RYR2: variants seen among roughly 807,000 people sequenced by gnomAD.
RYR2 encodes the protein ryanodine receptor 2, also known as cardiac muscle ryanodine receptor-calcium release channel.
Under a neutral mutation model 601.1 loss-of-function variants are expected in RYR2, and 227 were observed. The observed-to-expected ratio is 0.38, with a 90% CI of 0.34 to 0.42. The LOEUF (loss-of-function observed/expected upper bound fraction) is 0.42, where lower values mean the gene tolerates loss of function less well. Among genes scored for constraint, RYR2 ranks in the 10% least tolerant of loss-of-function variants. RYR2 has a pLI of 1.00. For missense variants in RYR2, 4,646 were observed against 6,156.5 expected, an observed-to-expected ratio of 0.75 and a Z score of 8.21; for synonymous variants, 2,223 against 2,175.1, an observed-to-expected ratio of 1.02 and a Z score of -0.61.
At chr1:237,473,477 C>CTTTCTTTCTTCTTCTTTCT (rs1553464755) in intron 17 of RYR2, among the ~76,000 whole-genome samples, 4 of 145,554 alleles carry the variant, frequency 2.7e-5, no homozygotes, top group South Asian at 2.2e-4. Context: ...ATCTATCTAT[C>CTTTCTTTCTTCTTCTTTCT]TGGCATATAT....
intron 3 of RYR2, among the ~76,000 whole-genome samples, chr1:237,334,135 G>T (rs1344660772): frequency 6.6e-6 from 1 of 151,956 alleles, no homozygotes; most frequent in African/African-American, 2.4e-5. Flanking sequence ...TGTTTTTTGT[G>T]GTTAAGGACC....
At chr1:237,367,427 T>C (rs1293540011) in intron 5 of RYR2, among the ~76,000 whole-genome samples, 3 of 152,196 alleles carry the variant, frequency 2.0e-5, no homozygotes, top group African/African-American at 7.2e-5. Context: ...GTTTTTCTTA[T>C]TTTAATACCT....
chr1:237,816,675 C>T (rs1403555057), intron 100 of RYR2, among the ~76,000 whole-genome samples: 2 of 139,914 alleles, frequency 1.4e-5, no homozygotes, highest in Admixed American at 7.3e-5. Context: ...GGAGACGGAG[C>T]GAGACTCTAT....
chr1:237,208,633 C>T (rs573260416), intron 1 of RYR2, among the ~76,000 whole-genome samples: 7 of 152,030 alleles, frequency 4.6e-5, no homozygotes, highest in Admixed American at 3.3e-4. Context: ...TTGATATACA[C>T]GTACATTGTG....
chr1:237,781,950 G>GTGTT (rs1447292820), intron 89 of RYR2, among the ~76,000 whole-genome samples: 1 of 152,080 alleles, frequency 6.6e-6, no homozygotes, highest in Admixed American at 6.5e-5. Context: ...ATTTGTTAGT[G>GTGTT]TGTTTGTCCA....
chr1:237,109,834 C>T lies in RYR2; in HGVS notation c.48+67265C>T, dbSNP rs539429495. ...CAAGGAAGATTACCTCTGTGAGGGC[C>T]TTTTTGCTTTAAATGTCACCTTCAT... is the stretch of plus-strand genomic sequence containing the variant. On this transcript the variant is annotated intron_variant, in intron 1 of 104. Coordinates refer to ENST00000366574, the MANE Select transcript of RYR2 (RefSeq NM_001035.3). Among the ~76,000 whole-genome samples, 8 of 152,144 alleles carry T rather than the reference C, an allele frequency of 5.3e-5. No individual in the cohort carries two copies. In the South Asian group the frequency reaches 1.7e-3, roughly 32 times the overall value.
intron 12 of RYR2, among the ~76,000 whole-genome samples, chr1:237,436,454 C>CGTTTTTTTTTTTTTTTTTTTTTTTTTTT (rs1707367559): frequency 2.1e-5 from 1 of 48,730 alleles, no homozygotes; most frequent in African/African-American, 9.9e-5. Flanking sequence ...TGTGATTTTC[C>CGTTTTTTTTTTTTTTTTTTTTTTTTTTT]TTTTTTTTTT....
chr1:237,501,012 T>G, intron 21 of RYR2, 109 bp downstream of exon 21: 3 of 1,065,966 alleles, frequency 2.8e-6, no homozygotes, highest in East Asian at 2.5e-5. Flanking sequence ...TTGTCTCTCC[T>G]GGGCACCTGT....
intron 1 of RYR2, among the ~76,000 whole-genome samples, chr1:237,063,857 T>C (rs992931241): frequency 1.3e-5 from 2 of 152,202 alleles, no homozygotes; most frequent in Non-Finnish European, 2.9e-5. Context: ...GCGTATGGAA[T>C]TGGCAGTTGT....
At chr1:237,775,745 A>G (rs1694612639) in intron 87 of RYR2, among the ~76,000 whole-genome samples, 1 of 152,272 alleles carries the variant, frequency 6.6e-6, no homozygotes, top group East Asian at 1.9e-4. Flanking sequence ...GAGAAAAGAG[A>G]AAGTTTGATC....
chr1:237,638,889 G>C, intron 45 of RYR2, 126 bp from the exon 46 acceptor site: 1 of 1,093,926 alleles, frequency 9.1e-7, no homozygotes, highest in Non-Finnish European at 1.3e-6. Flanking sequence ...ATTACATTTT[G>C]GCTTTATTAG....
chr1:237,712,988 C>T (rs3766884), intron 71 of RYR2, among the ~76,000 whole-genome samples: 26,679 of 152,166 alleles, frequency 0.18, 3,000 homozygotes, highest in East Asian at 0.57. Context: ...ACCCACTCCA[C>T]TGACCTCCAA....
At chr1:237,167,290 T>C (rs1362606439) in intron 1 of RYR2, among the ~76,000 whole-genome samples, 1 of 152,174 alleles carries the variant, frequency 6.6e-6, no homozygotes, top group Non-Finnish European at 1.5e-5. Flanking sequence ...CAGAATGATA[T>C]GAAACACTCA....
At chr1:237,810,808 T>C (rs574521822) in intron 100 of RYR2, among the ~76,000 whole-genome samples, 2 of 130,448 alleles carry the variant, frequency 1.5e-5, no homozygotes, top group Admixed American at 7.6e-5. Flanking sequence ...GATATATAAA[T>C]TACATTTTAA....
intron 1 of RYR2, among the ~76,000 whole-genome samples, chr1:237,165,724 A>C (rs1405751949): frequency 6.6e-6 from 1 of 152,090 alleles, no homozygotes; most frequent in Non-Finnish European, 1.5e-5. Context: ...AACATTAGCC[A>C]GGCATGGTGA....
Position 237,742,292 on chromosome 1 carries a change from A to G in RYR2, c.11092-4A>G, listed in dbSNP as rs1456440506. ...CTCCTTTTTTTTTTTTTTTAAATAT[A>G]CAGAGTTGTCATGATGAGGAAGATG... On this transcript the variant is annotated splice_region_variant and splice_polypyrimidine_tract_variant and intron_variant, in intron 79 of 104. Coordinates refer to ENST00000366574, the MANE Select transcript of RYR2 (RefSeq NM_001035.3). 2.6e-6 allele frequency: 4 copies of G among 1,525,338 alleles called. No individual in the cohort carries two copies. The highest frequency in any genetic ancestry group is 3.5e-6 in the Non-Finnish European group (4 of 1,132,692). 94.5% of individuals were successfully genotyped at this position (1,525,338 alleles called of 1,614,324 possible).
intron 80 of RYR2, among the ~76,000 whole-genome samples, chr1:237,744,785 T>A (rs1293126714): frequency 1.3e-5 from 2 of 151,632 alleles, no homozygotes; most frequent in East Asian, 3.9e-4. Flanking sequence ...GAAACTATTT[T>A]AAAATTCCTT....
chr1:237,709,674 G>A (rs1688670842), intron 70 of RYR2, 107 bp downstream of exon 70: 1 of 581,818 alleles, frequency 1.7e-6, no homozygotes, highest in South Asian at 3.0e-5. Context: ...GTTCCCCTGA[G>A]GAGTTTGAGG....
intron 2 of RYR2, among the ~76,000 whole-genome samples, chr1:237,302,254 A>C (rs16835126): frequency 0.054 from 8,275 of 152,268 alleles, 575 homozygotes; most frequent in African/African-American, 0.16. Context: ...ACTGAATTAA[A>C]AATGGGAAAC....
Sources: allele counts gnomAD v4.1 joint callset (sites outside exome capture counted in the v4.1 genomes callset), GRCh38; gene constraint gnomAD v4.1.1; transcripts MANE v1.5; gene names NCBI Gene and HGNC (gene_info 2026-07-23, HGNC 2026-07-21).